RNF180: variants seen among roughly 807,000 people sequenced by gnomAD.
RNF180 encodes the protein E3 ubiquitin-protein ligase RNF180.
RNF180 carries 38 observed loss-of-function variants against 59.2 expected under a neutral mutation model. That is an observed-to-expected ratio of 0.64 (90% CI 0.50 to 0.84). The LOEUF is 0.84. Ranked by LOEUF, RNF180 falls within the 40% of genes least tolerant of loss-of-function variation. RNF180 has a pLI of 0.00. For missense variants in RNF180, 705 were observed against 700.9 expected (o/e 1.01, Z -0.07); for synonymous variants, 262 against 240.3 (o/e 1.09, Z -0.84).
intron 1 of RNF180, among the ~76,000 whole-genome samples, chr5:64,195,266 G>T (rs945528303): frequency 2.0e-5 from 3 of 152,156 alleles, no homozygotes; most frequent in African/African-American, 7.2e-5. Context: ...AGTATTTCAT[G>T]TAAGTCTAAA....
At chr5:64,241,410 T>C (rs1270120355) in intron 5 of RNF180, among the ~76,000 whole-genome samples, 1 of 152,244 alleles carries the variant, frequency 6.6e-6, no homozygotes, top group Non-Finnish European at 1.5e-5. Flanking sequence ...AGACACCTTT[T>C]CTTTCTGTCT....
chr5:64,317,563 C>T lies in RNF180; in HGVS notation c.1228-7623C>T, dbSNP rs1452345957. ...GTATATTTATATATACATATATACACATACATATATATACACATATATATA... is the reference window on the plus strand; with the variant it reads ...GTATATTTATATATACATATATACATATACATATATATACACATATATATA... On this transcript the variant is annotated intron_variant, in intron 5 of 7. Coordinates refer to ENST00000389100, the MANE Select transcript of RNF180 (RefSeq NM_001113561.2). 1.4e-4 allele frequency among the ~76,000 whole-genome samples: 21 copies of T among 147,596 alleles called. No homozygotes were observed. The South Asian group carries it at 4.0e-3, about 28-fold the overall frequency.
Position 64,354,645 on chromosome 5 carries a change from G to A in RNF180, c.1580-14970G>A, listed in dbSNP as rs903877320. ...GAAAGCCAAAGTTATCACAAGAAAA[G>A]AATTATAGACCACTATCCCTTTGGA... On this transcript the variant is annotated intron_variant, in intron 7 of 7. Coordinates refer to ENST00000389100, the MANE Select transcript of RNF180 (RefSeq NM_001113561.2). Among the ~76,000 whole-genome samples, 8 of 151,710 alleles carry A rather than the reference G, an allele frequency of 5.3e-5. No homozygotes were observed. In the East Asian group the frequency reaches 9.7e-4, roughly 18 times the overall value.
chr5:64,202,414 G>A (rs1037557282), intron 2 of RNF180, among the ~76,000 whole-genome samples: 1 of 151,958 alleles, frequency 6.6e-6, no homozygotes, highest in African/African-American at 2.4e-5. Context: ...ATTGGCATTC[G>A]TTCCAGTTTT....
At chr5:64,305,285 ATTTAACT>A (rs1463058345) in intron 5 of RNF180, among the ~76,000 whole-genome samples, 1 of 151,396 alleles carries the variant, frequency 6.6e-6, no homozygotes, top group Non-Finnish European at 1.5e-5. Context: ...CTCAGAGCTT[ATTTAACT>A]TTTATCTTTC....
intron 5 of RNF180, among the ~76,000 whole-genome samples, chr5:64,220,959 C>T (rs990287942): frequency 6.6e-6 from 1 of 151,996 alleles, no homozygotes; most frequent in African/African-American, 2.4e-5. Flanking sequence ...ATAATAGAAG[C>T]TAATAAATTA....
intron 5 of RNF180, among the ~76,000 whole-genome samples, chr5:64,267,653 T>C: frequency 6.6e-6 from 1 of 152,168 alleles, no homozygotes. Flanking sequence ...GTTTCCAATT[T>C]CATCCATGTC....
chr5:64,199,256 C>G (rs1444870307), intron 1 of RNF180, among the ~76,000 whole-genome samples: 1 of 152,226 alleles, frequency 6.6e-6, no homozygotes, highest in Non-Finnish European at 1.5e-5. Context: ...GAGGGGCTTG[C>G]TGTGCCCTCT....
intron 7 of RNF180, among the ~76,000 whole-genome samples, chr5:64,361,720 A>T (rs926454452): frequency 6.6e-5 from 10 of 151,604 alleles, no homozygotes; most frequent in Non-Finnish European, 1.0e-4. Context: ...ATCACAAAGA[A>T]TAAGTTATGA....
intron 7 of RNF180, among the ~76,000 whole-genome samples, chr5:64,368,699 A>G (rs1045948185): frequency 6.6e-6 from 1 of 152,108 alleles, no homozygotes; most frequent in African/African-American, 2.4e-5. Context: ...GCCAAAAGAC[A>G]CATGAAAAAA....
In RNF180 at chr5:64,351,291, A is replaced by G. The variant is rs1204502327; in HGVS notation, c.1580-18324A>G. 4.6e-5 allele frequency among the ~76,000 whole-genome samples: 7 copies of G among 152,194 alleles called. No homozygotes were observed. In the South Asian group the frequency reaches 1.0e-3, roughly 22 times the overall value. On this transcript the variant is annotated intron_variant, in intron 7 of 7. Transcript: ENST00000389100. ...ACTGCTGAAGTTGCTTATCAGCTTA[A>G]GGAGATTTTGGGCTGAGATGATGGG...
intron 5 of RNF180, among the ~76,000 whole-genome samples, chr5:64,243,710 C>T (rs1007213205): frequency 3.9e-5 from 6 of 152,168 alleles, no homozygotes; most frequent in African/African-American, 1.2e-4. Flanking sequence ...AAGAGAGCAG[C>T]GGATCTCCCA....
chr5:64,303,866 T>G (rs1354826319), intron 5 of RNF180, among the ~76,000 whole-genome samples: 1 of 151,642 alleles, frequency 6.6e-6, no homozygotes, highest in Non-Finnish European at 1.5e-5. Context: ...TGGAAGAAGA[T>G]GCCCTCTAGG....
At position 64,243,902 on chromosome 5, in the gene RNF180, C is replaced by A. The variant is rs555137431; in HGVS notation, c.1227+26506C>A. 6.6e-5 allele frequency among the ~76,000 whole-genome samples: 10 copies of A among 152,300 alleles called. No individual in the cohort carries two copies. In the East Asian group the frequency reaches 1.4e-3, roughly 21 times the overall value. On this transcript the variant is annotated intron_variant, in intron 5 of 7. Transcript: ENST00000389100. ...AGCTTCCAGAGAAAGGAACAGGCAG[C>A]AATCTTTGCTGTTCTGCAGTCTTTG...
In RNF180 at chr5:64,333,216, C is replaced by T. The variant is rs1232967895; in HGVS notation, c.1579+2810C>T. On this transcript the variant is annotated intron_variant, in intron 7 of 7. Coordinates refer to ENST00000389100, the MANE Select transcript of RNF180 (RefSeq NM_001113561.2). ...TTTTTGAGACAAAGTCTGGCTCTAT[C>T]GCCCAGGCTAGAGTGTAGTGGCGCA... 2.0e-5 allele frequency among the ~76,000 whole-genome samples: 3 copies of T among 152,088 alleles called. No individual in the cohort carries two copies. The South Asian group carries it at 6.2e-4, about 32-fold the overall frequency.
intron 5 of RNF180, among the ~76,000 whole-genome samples, chr5:64,220,113 C>CT (rs1280674781): frequency 3.3e-5 from 5 of 151,852 alleles, no homozygotes; most frequent in African/African-American, 1.2e-4. Context: ...GGCTTCTCTC[C>CT]TTTTTTTAGT....
chr5:64,263,343 G>A (rs756346409), intron 5 of RNF180, among the ~76,000 whole-genome samples: 7 of 152,062 alleles, frequency 4.6e-5, no homozygotes, highest in African/African-American at 1.4e-4. Context: ...AAATATTCTC[G>A]CCACACCTGA....
chr5:64,356,090 T>TA (rs57455949), intron 7 of RNF180, among the ~76,000 whole-genome samples: 59 of 144,692 alleles, frequency 4.1e-4, no homozygotes, highest in Non-Finnish European at 3.4e-4. Context: ...ACCCTGTCTC[T>TA]AAAAAAAAAA....
In RNF180 at chr5:64,200,932, A is replaced by G. The variant is rs1466654061; in HGVS notation, c.125A>G (p.Gln42Arg). 3 of 1,613,748 alleles carry G rather than the reference A, an allele frequency of 1.9e-6. No homozygotes were observed. The highest frequency in any genetic ancestry group is 2.5e-6 in the Non-Finnish European group (3 of 1,179,768). ...SGCFMEYLEN[Q>R]VIKDKDDSVD... The stretch of plus-strand genomic sequence containing the variant: ...TGTTTTATGGAGTATCTTGAGAATC[A>G]AGTGATTAAGGTGAGTATTGGTAAC... The change falls in exon 2 of 8, where the codon CAA becomes CGA. Residue 42 changes from glutamine (Q) to arginine (R), a missense_variant. Coordinates refer to ENST00000389100, the MANE Select transcript of RNF180 (RefSeq NM_001113561.2).
Sources: gnomAD v4.1 joint callset for allele counts (sites outside exome capture counted in the v4.1 genomes callset) on GRCh38, gnomAD v4.1.1 for gene constraint, MANE v1.5 for transcripts, NCBI Gene and HGNC (gene_info 2026-07-23, HGNC 2026-07-21) for gene names.